The following RBFOX1 variants were observed in gnomAD, a reference collection of about 807,000 sequenced individuals.
RBFOX1 encodes RNA binding fox-1 homolog 1, also known as RNA binding protein fox-1 homolog 1.
A neutral mutation model predicts 57.7 loss-of-function variants in RBFOX1; 8 were observed. That is an observed-to-expected ratio of 0.14 (90% CI 0.08 to 0.25). The LOEUF (loss-of-function observed/expected upper bound fraction) is 0.25. Ranked by LOEUF, RBFOX1 falls within the 10% of genes least tolerant of loss-of-function variation. The pLI is 1.00. For missense variants in RBFOX1, 611 were observed against 548.5 expected (o/e 1.11, Z -1.14); for synonymous variants, 326 against 222.4 (o/e 1.47, Z -4.15).
intron 3 of RBFOX1, among the ~76,000 whole-genome samples, chr16:7,044,142 C>T (rs1184837552): frequency 6.6e-6 from 1 of 151,944 alleles, no homozygotes; most frequent in Non-Finnish European, 1.5e-5. Context: ...GTCTGACATC[C>T]AGAAGGTGCT....
At chr16:6,148,917 G>A (rs1209862368) in intron 1 of RBFOX1, among the ~76,000 whole-genome samples, 2 of 151,958 alleles carry the variant, frequency 1.3e-5, no homozygotes, top group Non-Finnish European at 2.9e-5. Flanking sequence ...TGATTCATGT[G>A]CCTTGAAATT....
chr16:7,187,866 G>T (rs2084318802), intron 4 of RBFOX1, among the ~76,000 whole-genome samples: 1 of 152,016 alleles, frequency 6.6e-6, no homozygotes, highest in Non-Finnish European at 1.5e-5. Context: ...ATTTATGGCG[G>T]TCATATTGGA....
chr16:6,335,581 C>G (rs2083529669), intron 2 of RBFOX1, among the ~76,000 whole-genome samples: 1 of 151,248 alleles, frequency 6.6e-6, no homozygotes, highest in Admixed American at 6.6e-5. Flanking sequence ...AGATTGAGAC[C>G]CTCCTGGCCA....
chr16:5,330,552 G>A (rs920938529), intron 1 of RBFOX1, among the ~76,000 whole-genome samples: 5 of 151,910 alleles, frequency 3.3e-5, no homozygotes, highest in East Asian at 1.9e-4. Flanking sequence ...ACAGGTGTGC[G>A]TGCTACCATG....
At chr16:7,285,235 CAG>C (rs975189809) in intron 4 of RBFOX1, among the ~76,000 whole-genome samples, 2 of 151,876 alleles carry the variant, frequency 1.3e-5, no homozygotes, top group African/African-American at 4.8e-5. Context: ...AGGAATAATA[CAG>C]AGAGTTCCAA....
intron 1 of RBFOX1, among the ~76,000 whole-genome samples, chr16:5,332,626 C>T (rs2341519): frequency 0.93 from 141,198 of 151,120 alleles, 66,537 homozygotes; most frequent in East Asian, 1. Flanking sequence ...ATTACAATTA[C>T]ATATCGTATA....
chr16:7,049,062 A>G (rs1010186093), intron 3 of RBFOX1, among the ~76,000 whole-genome samples: 1 of 152,214 alleles, frequency 6.6e-6, no homozygotes, highest in Non-Finnish European at 1.5e-5. Flanking sequence ...AGACATGAGC[A>G]CAGAGGTCAG....
At chr16:6,974,531 G>A (rs1162353419) in intron 3 of RBFOX1, among the ~76,000 whole-genome samples, 1 of 151,594 alleles carries the variant, frequency 6.6e-6, no homozygotes, top group African/African-American at 2.4e-5. Flanking sequence ...TTTTAGTAGA[G>A]ATGAGGTTTC....
intron 3 of RBFOX1, among the ~76,000 whole-genome samples, chr16:5,818,413 C>G (rs1439429444): frequency 6.6e-6 from 1 of 152,112 alleles, no homozygotes; most frequent in East Asian, 1.9e-4. Context: ...GCTCTTGGGT[C>G]GTGGAGAGGT....
chr16:7,296,135 C>T (rs1328075364), intron 4 of RBFOX1, among the ~76,000 whole-genome samples: 1 of 151,218 alleles, frequency 6.6e-6, no homozygotes, highest in African/African-American at 2.4e-5. Context: ...TCATTGGATT[C>T]TGTAATGACA....
intron 4 of RBFOX1, among the ~76,000 whole-genome samples, chr16:7,303,929 A>G (rs2096100167): frequency 6.6e-6 from 1 of 151,382 alleles, no homozygotes; most frequent in South Asian, 2.1e-4. Context: ...CCCCTTCCAG[A>G]GAAGTTCCCT....
At chr16:7,458,332 G>A (rs2058928260) in intron 4 of RBFOX1, among the ~76,000 whole-genome samples, 1 of 152,066 alleles carries the variant, frequency 6.6e-6, no homozygotes, top group South Asian at 2.1e-4. Flanking sequence ...CCGTGTCCCT[G>A]GGCCAGTCCA....
chr16:6,215,991 G>T (rs1353627523), intron 1 of RBFOX1, among the ~76,000 whole-genome samples: 2 of 152,126 alleles, frequency 1.3e-5, no homozygotes, highest in African/African-American at 4.8e-5. Flanking sequence ...GACATGGATG[G>T]AGCTGGAGTC....
Position 7,110,966 on chromosome 16 carries a change from G to A in RBFOX1, c.27+58868G>A, listed in dbSNP as rs192878648. Among the ~76,000 whole-genome samples, 357 of 152,220 alleles carry A rather than the reference G, an allele frequency of 2.3e-3. 2 individuals carry two copies. The highest frequency in any genetic ancestry group is 0.01 in the Middle Eastern group (3 of 294). On this transcript the variant is annotated intron_variant, in intron 4 of 15. Transcript: ENST00000550418. ...CATGCTCTCCCTGAAATTGTGTATC[G>A]TACAGTATTTCTGGAAAGAAGTCTT... is the stretch of plus-strand genomic sequence containing the variant.
intron 1 of RBFOX1, among the ~76,000 whole-genome samples, chr16:5,356,032 A>C (rs2065380450): frequency 6.6e-6 from 1 of 152,200 alleles, no homozygotes; most frequent in African/African-American, 2.4e-5. Context: ...CGGAGGTTGC[A>C]GTGAGCCAAG....
chr16:6,529,711 G>T (rs2096630074), intron 2 of RBFOX1, among the ~76,000 whole-genome samples: 1 of 152,042 alleles, frequency 6.6e-6, no homozygotes, highest in African/African-American at 2.4e-5. Context: ...CTAAATAATT[G>T]CATAGACTCC....
chr16:7,155,380 G>A (rs1459460118), intron 4 of RBFOX1, among the ~76,000 whole-genome samples: 1 of 151,882 alleles, frequency 6.6e-6, no homozygotes, highest in Non-Finnish European at 1.5e-5. Context: ...ACTTAAGCCA[G>A]GAGTTCAAAA....
intron 4 of RBFOX1, among the ~76,000 whole-genome samples, chr16:7,447,364 C>G (rs527634529): frequency 5.0e-4 from 72 of 143,312 alleles, no homozygotes; most frequent in African/African-American, 1.9e-3. Context: ...GCCTGGGAGA[C>G]GGAGGTTGCA....
intron 1 of RBFOX1, among the ~76,000 whole-genome samples, chr16:6,139,099 G>C (rs1303102914): frequency 2.0e-5 from 3 of 152,104 alleles, no homozygotes; most frequent in Admixed American, 6.5e-5. Context: ...ATTGATAGCA[G>C]TTCTATAGAG....
Sources: gnomAD v4.1 joint callset for allele counts (sites outside exome capture counted in the v4.1 genomes callset) on GRCh38, gnomAD v4.1.1 for gene constraint, MANE v1.5 for transcripts, NCBI Gene and HGNC (gene_info 2026-07-23, HGNC 2026-07-21) for gene names.